The following UMAD1 variants were observed in gnomAD, a reference collection of about 807,000 sequenced individuals.
UMAD1 encodes the protein UBAP1-MVB12-associated (UMA)-domain containing protein 1.
Under a neutral mutation model 6.1 loss-of-function variants are expected in UMAD1, and 8 were observed. The ratio of observed to expected loss-of-function variants is 1.30; its 90% CI spans 0.76 to 2.35. The LOEUF is 2.35. UMAD1 is among the 30% of genes most tolerant of loss of function. The pLI, the probability that UMAD1 is intolerant of heterozygous loss-of-function variation, is 0.00. For missense variants in UMAD1, 130 were observed against 78.4 expected, an observed-to-expected ratio of 1.66 and a Z score of -2.49; for synonymous variants, 56 against 31.4, an observed-to-expected ratio of 1.78 and a Z score of -2.61.
At chr7:7,700,831 T>C (rs1780443183) in intron 2 of UMAD1, among the ~76,000 whole-genome samples, 1 of 151,968 alleles carries the variant, frequency 6.6e-6, no homozygotes, top group South Asian at 2.1e-4. Flanking sequence ...GAGGTTGCAG[T>C]GAGCTGAGAA....
chr7:7,783,548 G>T (rs1345830253), intron 2 of UMAD1, among the ~76,000 whole-genome samples: 1 of 152,130 alleles, frequency 6.6e-6, no homozygotes, highest in African/African-American at 2.4e-5. Flanking sequence ...TTGGAAATGA[G>T]GATGAAGGGC....
At chr7:7,844,156 T>G (rs1468456579) in intron 3 of UMAD1, among the ~76,000 whole-genome samples, 1 of 152,190 alleles carries the variant, frequency 6.6e-6, no homozygotes, top group Non-Finnish European at 1.5e-5. Flanking sequence ...TTCTTTCTCT[T>G]AACAAGAGGC....
chr7:7,798,209 T>C (rs1463842542), intron 2 of UMAD1, among the ~76,000 whole-genome samples: 2 of 152,238 alleles, frequency 1.3e-5, no homozygotes, highest in Non-Finnish European at 2.9e-5. Flanking sequence ...GTTTACTATC[T>C]GACCCTTTAC....
chr7:7,777,257 A>T (rs1258505360), intron 2 of UMAD1, among the ~76,000 whole-genome samples: 1 of 151,940 alleles, frequency 6.6e-6, no homozygotes, highest in Non-Finnish European at 1.5e-5. Flanking sequence ...CTGTAATCCC[A>T]GTACTTTGGG....
chr7:7,651,326 TC>T (rs1384395343), intron 1 of UMAD1, among the ~76,000 whole-genome samples: 1 of 152,146 alleles, frequency 6.6e-6, no homozygotes, highest in African/African-American at 2.4e-5. Flanking sequence ...GCTTGGCTTG[TC>T]TTTTGGCTGG....
chr7:7,748,348 A>T (rs542570068), intron 2 of UMAD1, among the ~76,000 whole-genome samples: 4 of 152,180 alleles, frequency 2.6e-5, no homozygotes, highest in African/African-American at 7.2e-5. Flanking sequence ...ACCAAATTAT[A>T]TTCCATAAAT....
intron 2 of UMAD1, among the ~76,000 whole-genome samples, chr7:7,788,462 T>G (rs76826252): frequency 0.02 from 2,993 of 152,248 alleles, 85 homozygotes; most frequent in African/African-American, 0.068. Context: ...ACCCAGTGCT[T>G]CTTCTTTCTT....
At chr7:7,779,075 A>G (rs1158578942) in intron 2 of UMAD1, among the ~76,000 whole-genome samples, 1 of 152,140 alleles carries the variant, frequency 6.6e-6, no homozygotes, top group African/African-American at 2.4e-5. Context: ...TATGGTAGAA[A>G]TGCTACTTGC....
intron 3 of UMAD1, among the ~76,000 whole-genome samples, chr7:7,849,801 T>TA (rs1554335033): frequency 6.6e-6 from 1 of 151,670 alleles, no homozygotes; most frequent in Non-Finnish European, 1.5e-5. Context: ...GTGTAGAGAA[T>TA]GGGGTGAATG....
intron 3 of UMAD1, among the ~76,000 whole-genome samples, chr7:7,812,758 G>A (rs886779717): frequency 6.7e-6 from 1 of 149,384 alleles, no homozygotes; most frequent in Admixed American, 6.7e-5. Context: ...AGGGTGAGAG[G>A]TCCATGTTGG....
At chr7:7,703,810 C>T (rs1360152404) in intron 2 of UMAD1, among the ~76,000 whole-genome samples, 2 of 152,038 alleles carry the variant, frequency 1.3e-5, no homozygotes, top group African/African-American at 2.4e-5. Context: ...AATGTGGTGG[C>T]GTGCCCCTGT....
At chr7:7,695,157 A>G (rs1171505861) in intron 2 of UMAD1, among the ~76,000 whole-genome samples, 1 of 152,162 alleles carries the variant, frequency 6.6e-6, no homozygotes, top group Non-Finnish European at 1.5e-5. Context: ...GCACCTTTTC[A>G]TATACCTGTT....
chr7:7,873,909 T>C (rs1462391102), intron 3 of UMAD1, among the ~76,000 whole-genome samples: 2 of 152,248 alleles, frequency 1.3e-5, no homozygotes, highest in African/African-American at 4.8e-5. Context: ...TAGAAAATAC[T>C]GTCTGTTCTA....
intron 3 of UMAD1, among the ~76,000 whole-genome samples, chr7:7,873,503 G>A (rs1055274231): frequency 4.6e-5 from 7 of 152,168 alleles, no homozygotes; most frequent in Non-Finnish European, 7.3e-5. Context: ...TCTGCCCACT[G>A]CAGATGTACA....
chr7:7,676,282 T>C (rs1371665778), intron 2 of UMAD1: 2 of 397,206 alleles, frequency 5.0e-6, no homozygotes, highest in Non-Finnish European at 8.9e-6. Context: ...CCCATGAAGT[T>C]ATTGAGGGGA....
At chr7:7,775,612 T>C (rs1486107149) in intron 2 of UMAD1, among the ~76,000 whole-genome samples, 2 of 152,140 alleles carry the variant, frequency 1.3e-5, no homozygotes, top group African/African-American at 2.4e-5. Context: ...AATACACTAC[T>C]ACACCCACTA....
intron 2 of UMAD1, among the ~76,000 whole-genome samples, chr7:7,801,331 T>G (rs1423299317): frequency 6.6e-6 from 1 of 152,246 alleles, no homozygotes; most frequent in Non-Finnish European, 1.5e-5. Flanking sequence ...AAAGAGTTTT[T>G]ATTTCAACAT....
intron 3 of UMAD1, among the ~76,000 whole-genome samples, chr7:7,841,801 A>T (rs1391163950): frequency 6.6e-6 from 1 of 152,072 alleles, no homozygotes; most frequent in Non-Finnish European, 1.5e-5. Flanking sequence ...CTCTCTCTTT[A>T]TATCCAACCA....
At chr7:7,670,608 A>G (rs963510006) in intron 1 of UMAD1, among the ~76,000 whole-genome samples, 4 of 152,192 alleles carry the variant, frequency 2.6e-5, no homozygotes, top group African/African-American at 4.8e-5. Context: ...TGCCCCATTC[A>G]GATATAGCAT....
Sources: gnomAD v4.1 joint callset for allele counts (sites outside exome capture counted in the v4.1 genomes callset) on GRCh38, gnomAD v4.1.1 for gene constraint, MANE v1.5 for transcripts, NCBI Gene and HGNC (gene_info 2026-07-23, HGNC 2026-07-21) for gene names.